ADAMTS6: variants seen among roughly 807,000 people sequenced by gnomAD.
ADAMTS6 encodes the protein A disintegrin and metalloproteinase with thrombospondin motifs 6.
Under a neutral mutation model 144.3 loss-of-function variants are expected in ADAMTS6, and 23 were observed. That is an observed-to-expected ratio of 0.16 (90% CI 0.11 to 0.23). ADAMTS6 has a LOEUF of 0.23. ADAMTS6 is among the 10% of genes least tolerant of loss of function. The probability of loss-of-function intolerance (pLI) is 1.00; values close to 1 mark genes in which losing one functional copy is unlikely to be tolerated. For synonymous variants in ADAMTS6, 444 were observed against 457.5 expected (o/e 0.97, Z 0.38); for missense variants, 999 against 1,379.6 (o/e 0.72, Z 4.37).
At chr5:65,306,839 T>C (rs1400630199) in intron 9 of ADAMTS6, among the ~76,000 whole-genome samples, 1 of 152,256 alleles carries the variant, frequency 6.6e-6, no homozygotes, top group Admixed American at 6.5e-5. Context: ...TTTTGTAAAG[T>C]GTTCAACTAT....
At chr5:65,158,056 TCTC>T (rs944235105) in intron 24 of ADAMTS6, among the ~76,000 whole-genome samples, 7 of 152,264 alleles carry the variant, frequency 4.6e-5, no homozygotes, top group South Asian at 4.1e-4. Flanking sequence ...GGTGGTATAA[TCTC>T]AACCCAAATC....
At chr5:65,463,309 C>G (rs1187117110) in intron 3 of ADAMTS6, among the ~76,000 whole-genome samples, 1 of 151,882 alleles carries the variant, frequency 6.6e-6, no homozygotes, top group African/African-American at 2.4e-5. Context: ...AAAGGGCAGA[C>G]CAGATACTGG....
At chr5:65,462,472 T>C (rs918567969) in intron 3 of ADAMTS6, among the ~76,000 whole-genome samples, 1 of 152,214 alleles carries the variant, frequency 6.6e-6, no homozygotes, top group Non-Finnish European at 1.5e-5. Flanking sequence ...AGGTACTTTG[T>C]AAAATGTTTA....
At position 65,254,793 on chromosome 5, in the gene ADAMTS6, T is replaced by G. The variant is rs571040449; in HGVS notation, c.1830+5807A>C. Among the ~76,000 whole-genome samples, 304 of 152,364 alleles carry G rather than the reference T, an allele frequency of 2.0e-3. 1 individual carries two copies. The highest frequency in any genetic ancestry group is 3.6e-3 in the Non-Finnish European group (243 of 68,040). ...CAGAGCAAACTATACCAAAACTTTA[T>G]ATTATCATAGTTTTTCTAGATTTAT... On this transcript the variant is annotated intron_variant, in intron 14 of 24. Transcript: ENST00000381055.
At chr5:65,391,723 G>A (rs1752929772) in intron 7 of ADAMTS6, among the ~76,000 whole-genome samples, 1 of 150,108 alleles carries the variant, frequency 6.7e-6, no homozygotes, top group Non-Finnish European at 1.5e-5. Context: ...CAGCCTCTTT[G>A]TCTTTTACAA....
At chr5:65,211,962 G>T (rs1024639433) in intron 20 of ADAMTS6, among the ~76,000 whole-genome samples, 1 of 152,206 alleles carries the variant, frequency 6.6e-6, no homozygotes, top group Admixed American at 6.5e-5. Context: ...ACAGACTTCA[G>T]TGATGAAGAC....
chr5:65,313,028 T>C (rs1471045723), intron 9 of ADAMTS6, among the ~76,000 whole-genome samples: 1 of 151,900 alleles, frequency 6.6e-6, no homozygotes, highest in Non-Finnish European at 1.5e-5. Context: ...GCCTACAAAT[T>C]AACTTCTTTA....
At chr5:65,322,749 A>G (rs1403383206) in intron 9 of ADAMTS6, among the ~76,000 whole-genome samples, 1 of 152,100 alleles carries the variant, frequency 6.6e-6, no homozygotes, top group Non-Finnish European at 1.5e-5. Context: ...GAGTTTGCTG[A>G]AGTTGTTTAT....
intron 7 of ADAMTS6, among the ~76,000 whole-genome samples, chr5:65,423,144 A>G (rs1179304670): frequency 1.3e-5 from 2 of 152,214 alleles, no homozygotes; most frequent in Non-Finnish European, 2.9e-5. Flanking sequence ...ACAAAGTGCT[A>G]TAATGGATAC....
chr5:65,264,187 C>A (rs1016809027), intron 12 of ADAMTS6, among the ~76,000 whole-genome samples: 1 of 152,150 alleles, frequency 6.6e-6, no homozygotes, highest in Non-Finnish European at 1.5e-5. Flanking sequence ...TAAAAACATG[C>A]TATCACATTA....
intron 7 of ADAMTS6, among the ~76,000 whole-genome samples, chr5:65,405,915 A>C (rs1384753803): frequency 1.3e-5 from 2 of 152,172 alleles, no homozygotes; most frequent in Non-Finnish European, 2.9e-5. Flanking sequence ...GCAATTGTGA[A>C]TGGGAGTTCA....
intron 7 of ADAMTS6, among the ~76,000 whole-genome samples, chr5:65,390,653 C>A (rs1464095814): frequency 6.6e-6 from 1 of 152,084 alleles, no homozygotes; most frequent in Non-Finnish European, 1.5e-5. Context: ...TGTGAATAGT[C>A]CAAAATAACA....
intron 7 of ADAMTS6, among the ~76,000 whole-genome samples, chr5:65,437,191 T>C (rs1017651549): frequency 4.0e-5 from 6 of 150,948 alleles, no homozygotes; most frequent in Non-Finnish European, 8.8e-5. Context: ...ACCTCCCAGG[T>C]TCAAGCCATT....
rs187259643 is a variant in ADAMTS6, at chr5:65,313,977, A to T, written c.1224-13846T>A. Among the ~76,000 whole-genome samples, 640 of 152,212 alleles carry T rather than the reference A, an allele frequency of 4.2e-3. 4 individuals carry two copies. The highest frequency in any genetic ancestry group is 0.014 in the African/African-American group (570 of 41,554). On this transcript the variant is annotated intron_variant, in intron 9 of 24. Transcript: ENST00000381055. ...TCATGTCTAGCTTTCAGTTAAAAAA[A>T]ATATATATAAGACATACTGAAACAT...
chr5:65,341,276 A>C (rs1370834893), intron 7 of ADAMTS6, among the ~76,000 whole-genome samples: 2 of 151,986 alleles, frequency 1.3e-5, no homozygotes, highest in East Asian at 1.9e-4. Flanking sequence ...CAAATAAACA[A>C]CTTAACAATG....
At chr5:65,245,543 A>C (rs1195608673) in intron 14 of ADAMTS6, among the ~76,000 whole-genome samples, 1 of 152,128 alleles carries the variant, frequency 6.6e-6, no homozygotes. Context: ...TCCTGCATTA[A>C]ATTCCCTCTA....
chr5:65,403,504 C>T (rs1754121936), intron 7 of ADAMTS6, among the ~76,000 whole-genome samples: 1 of 152,048 alleles, frequency 6.6e-6, no homozygotes, highest in South Asian at 2.1e-4. Flanking sequence ...GCATGTTTTC[C>T]CCTATCTTGT....
chr5:65,471,163 G>T (rs771297839), intron 2 of ADAMTS6, 21 bp from the exon 3 acceptor site: 3 of 1,552,754 alleles, frequency 1.9e-6, no homozygotes, highest in African/African-American at 2.8e-5. Context: ...ACAAGGCAGA[G>T]AATCCAGAAA....
intron 7 of ADAMTS6, among the ~76,000 whole-genome samples, chr5:65,430,183 A>G (rs1409560218): frequency 4.6e-5 from 7 of 151,058 alleles, no homozygotes; most frequent in African/African-American, 9.7e-5. Context: ...AAAAAGACGG[A>G]AAATCAAGAA....
Sources: allele counts gnomAD v4.1 joint callset (sites outside exome capture counted in the v4.1 genomes callset), GRCh38; gene constraint gnomAD v4.1.1; transcripts MANE v1.5; gene names NCBI Gene and HGNC (gene_info 2026-07-23, HGNC 2026-07-21).